The following TBC1D32 variants were observed in gnomAD, a reference collection of about 807,000 sequenced individuals.
TBC1D32 encodes protein broad-minded.
TBC1D32 carries 151 observed loss-of-function variants against 170.3 expected under a neutral mutation model. That is an observed-to-expected ratio of 0.89 (90% CI 0.78 to 1.01). The LOEUF (loss-of-function observed/expected upper bound fraction) is 1.01. Ranked by LOEUF, TBC1D32 falls within the 50% of genes least tolerant of loss-of-function variation. The probability of loss-of-function intolerance (pLI) is 0.00; values close to 1 mark genes in which losing one functional copy is unlikely to be tolerated. For missense variants in TBC1D32, 1,464 were observed against 1,457.1 expected, an observed-to-expected ratio of 1.00 and a Z score of -0.08; for synonymous variants, 498 against 488.0, an observed-to-expected ratio of 1.02 and a Z score of -0.27.
intron 20 of TBC1D32, among the ~76,000 whole-genome samples, chr6:121,235,056 T>C (rs1448722493): frequency 6.6e-6 from 1 of 152,222 alleles, no homozygotes; most frequent in African/African-American, 2.4e-5. Context: ...TCTTGTGATG[T>C]GATCCGTCTT....
chr6:121,276,068 C>T (rs1311296393), intron 15 of TBC1D32, among the ~76,000 whole-genome samples: 4 of 148,366 alleles, frequency 2.7e-5, no homozygotes, highest in African/African-American at 9.9e-5. Flanking sequence ...TGCAGTGAGC[C>T]GAGTTCACGC....
intron 15 of TBC1D32, among the ~76,000 whole-genome samples, chr6:121,273,845 C>T (rs1188179476): frequency 1.3e-5 from 2 of 152,088 alleles, no homozygotes; most frequent in African/African-American, 2.4e-5. Context: ...TGCAAAACGG[C>T]AAGCTGTAAC....
intron 14 of TBC1D32, among the ~76,000 whole-genome samples, chr6:121,280,481 A>G (rs4245508): frequency 0.15 from 22,551 of 151,730 alleles, 2,437 homozygotes; most frequent in Admixed American, 0.33. Context: ...AATAATTCAA[A>G]CATAATGTAA....
chr6:121,266,461 T>C (rs1800498277), intron 15 of TBC1D32, among the ~76,000 whole-genome samples: 3 of 152,172 alleles, frequency 2.0e-5, no homozygotes, highest in African/African-American at 4.8e-5. Flanking sequence ...TTTTACACTG[T>C]TGGTGGGAAT....
chr6:121,322,398 C>A (rs1443742371), intron 1 of TBC1D32, among the ~76,000 whole-genome samples: 1 of 152,142 alleles, frequency 6.6e-6, no homozygotes, highest in Non-Finnish European at 1.5e-5. Flanking sequence ...CTTACACATG[C>A]CCAACTCTCC....
intron 21 of TBC1D32, among the ~76,000 whole-genome samples, chr6:121,222,737 C>T (rs191316251): frequency 6.6e-6 from 1 of 152,184 alleles, no homozygotes; most frequent in Admixed American, 6.5e-5. Context: ...CTAAATATCC[C>T]TTAATGATTA....
At chr6:121,176,855 C>T (rs1235715569) in intron 22 of TBC1D32, among the ~76,000 whole-genome samples, 1 of 152,144 alleles carries the variant, frequency 6.6e-6, no homozygotes, top group Non-Finnish European at 1.5e-5. Flanking sequence ...CCCGCCTCAG[C>T]CTCCCAAAGT....
intron 27 of TBC1D32, among the ~76,000 whole-genome samples, 194 bp downstream of exon 27, chr6:121,114,978 G>A (rs1302078724): frequency 6.6e-6 from 1 of 152,142 alleles, no homozygotes; most frequent in Admixed American, 6.5e-5. Flanking sequence ...ACAATGAACT[G>A]TAACTGATTT....
At chr6:121,303,387 C>T (rs1185491323) in intron 9 of TBC1D32, among the ~76,000 whole-genome samples, 2 of 152,088 alleles carry the variant, frequency 1.3e-5, no homozygotes, top group African/African-American at 2.4e-5. Flanking sequence ...GGCTCTGACA[C>T]TTAATAGGTG....
chr6:121,141,357 G>A (rs1232679331), intron 24 of TBC1D32, among the ~76,000 whole-genome samples: 1 of 152,140 alleles, frequency 6.6e-6, no homozygotes, highest in Non-Finnish European at 1.5e-5. Context: ...AGGATCAGAG[G>A]CATAAGCCTA....
chr6:121,304,331 G>T (rs1271254416), intron 8 of TBC1D32, 34 bp downstream of exon 8: 1 of 1,606,190 alleles, frequency 6.2e-7, no homozygotes, highest in East Asian at 2.2e-5. Context: ...ACACCGCTAG[G>T]TTTTATGCTG....
intron 24 of TBC1D32, among the ~76,000 whole-genome samples, chr6:121,158,683 C>T (rs1040139817): frequency 2.0e-5 from 3 of 152,114 alleles, no homozygotes; most frequent in African/African-American, 7.2e-5. Flanking sequence ...AGAGCTACAA[C>T]CCTATACAGA....
chr6:121,225,112 T>C (rs1320498335), intron 20 of TBC1D32, among the ~76,000 whole-genome samples: 1 of 152,056 alleles, frequency 6.6e-6, no homozygotes, highest in Admixed American at 6.6e-5. Flanking sequence ...GAAATATGTC[T>C]ATTAATTATA....
At chr6:121,109,909 C>A (rs1779041958) in intron 29 of TBC1D32, among the ~76,000 whole-genome samples, 1 of 151,868 alleles carries the variant, frequency 6.6e-6, no homozygotes. Context: ...GATCTAATAT[C>A]TTTCAAATAC....
Position 121,106,122 on chromosome 6 carries a change from T to C in TBC1D32, c.3366A>G (p.Pro1122=). The C allele has an allele frequency of 6.3e-7, 1 of 1,594,656 alleles. No homozygotes were observed. The highest frequency in any genetic ancestry group is 8.6e-7 in the Non-Finnish European group (1 of 1,167,418). Residue 1122 remains proline (P), a synonymous_variant, in exon 30 of 32, where the codon CCA becomes CCG. Transcript: ENST00000398212. The part of the protein sequence containing the change: ...PNDTVESGIH[P]VYFCSTHYIE... ...TATAATGGGTGCTGCAAAAATATAC[T>C]GGATGGATGCCAGATTCTACAGTGT...
chr6:121,085,466 C>G (rs1776166332), intron 31 of TBC1D32, among the ~76,000 whole-genome samples: 1 of 150,674 alleles, frequency 6.6e-6, no homozygotes, highest in East Asian at 1.9e-4. Context: ...CTGGGGTGTT[C>G]AGTAAAACTA....
At chr6:121,100,385 T>A (rs994741539) in intron 30 of TBC1D32, among the ~76,000 whole-genome samples, 2 of 152,010 alleles carry the variant, frequency 1.3e-5, no homozygotes, top group Non-Finnish European at 2.9e-5. Flanking sequence ...TCTCCCATTA[T>A]TATTGTGTGG....
At chr6:121,334,557 G>C, upstream of TBC1D32, 2 of 1,156,700 alleles carry the variant, frequency 1.7e-6, no homozygotes, top group Non-Finnish European at 1.2e-6. Flanking sequence ...ATACCGCGGC[G>C]AGCGCCTGTG....
chr6:121,231,973 CTAGTCA>C (rs1795800332), intron 20 of TBC1D32, among the ~76,000 whole-genome samples: 1 of 151,924 alleles, frequency 6.6e-6, no homozygotes, highest in Non-Finnish European at 1.5e-5. Flanking sequence ...TTTTGAATTC[CTAGTCA>C]TAAAGTCTTT....
Sources: gnomAD v4.1 joint callset for allele counts (sites outside exome capture counted in the v4.1 genomes callset) on GRCh38, gnomAD v4.1.1 for gene constraint, MANE v1.5 for transcripts, NCBI Gene and HGNC (gene_info 2026-07-23, HGNC 2026-07-21) for gene names.